Variants in TRPM2 observed in about 807,000 individuals in gnomAD.
The protein encoded by TRPM2 is transient receptor potential cation channel subfamily M member 2, also known as estrogen-responsive element-associated gene 1 protein.
TRPM2 carries 161 observed loss-of-function variants against 174.0 expected under a neutral mutation model. The ratio of observed to expected loss-of-function variants is 0.93; its 90% CI spans 0.81 to 1.05. The LOEUF (loss-of-function observed/expected upper bound fraction) is 1.05, where lower values mean the gene tolerates loss of function less well. TRPM2 is among the 50% of genes least tolerant of loss of function. The pLI, the probability that TRPM2 is intolerant of heterozygous loss-of-function variation, is 0.00. For missense variants in TRPM2, 2,057 were observed against 2,038.0 expected (o/e 1.01, Z -0.18); for synonymous variants, 954 against 861.3 (o/e 1.11, Z -1.88).
chr21:44,391,646 C>G lies in TRPM2; in HGVS notation c.1794+21C>G. 1.3e-6 allele frequency: 2 copies of G among 1,536,932 alleles called. No homozygotes were observed. The highest frequency in any genetic ancestry group is 1.7e-6 in the Non-Finnish European group (2 of 1,148,698). On this transcript the variant is annotated intron_variant, in intron 11 of 31. Transcript: ENST00000397928. The surrounding 1 kb of genome is among the most constrained non-coding windows in gnomAD (Gnocchi z 5.0). ...TCAACGTGCGTGCTGGTAACGGGGCCCATCCTGGACTCGTCTTCGCGGGCT... is the reference window on the plus strand; with the variant it reads ...TCAACGTGCGTGCTGGTAACGGGGCGCATCCTGGACTCGTCTTCGCGGGCT...
At chr21:44,361,861 A>G (rs958603985) in intron 2 of TRPM2, among the ~76,000 whole-genome samples, 9 of 152,072 alleles carry the variant, frequency 5.9e-5, no homozygotes, top group Non-Finnish European at 1.0e-4. Flanking sequence ...GACATGCACC[A>G]CCATGCCCGG....
rs1418093174 is a variant in TRPM2 at position 44,438,860 on chromosome 21, G to T, written c.4168-207G>T. Among the ~76,000 whole-genome samples the T allele has an allele frequency of 6.6e-6, 1 of 152,186 alleles. No homozygotes were observed. The highest frequency in any genetic ancestry group is 1.9e-4 in the East Asian group (1 of 5,178). On this transcript the variant is annotated intron_variant, in intron 29 of 31. Transcript: ENST00000397928. The surrounding 1 kb of genome is among the most constrained non-coding windows in gnomAD (Gnocchi z 5.9). ...TTGTGTCTGCAGCCCAGTGCCCCCT[G>T]CTCGGGCCACGGCAGGCCTCACAGA... is the stretch of plus-strand genomic sequence containing the variant.
chr21:44,403,472 G>GCACACACATGCATACACATA (rs1425936632), intron 16 of TRPM2, among the ~76,000 whole-genome samples: 5 of 152,066 alleles, frequency 3.3e-5, no homozygotes, highest in African/African-American at 1.2e-4. Flanking sequence ...ACACACACAT[G>GCACACACATGCATACACATA]CACACACATG....
chr21:44,437,212 G>A (rs2051306684), intron 29 of TRPM2, 45 bp downstream of exon 29: 12 of 1,508,744 alleles, frequency 8.0e-6, no homozygotes, highest in Non-Finnish European at 9.0e-6. Context: ...GGCTGTCTGT[G>A]GGTCACTCGT....
rs2048700719 is a variant in TRPM2, at chr21:44,376,422, A to G, written c.952+409A>G. Among the ~76,000 whole-genome samples, 1 of 151,914 alleles carries G rather than the reference A, an allele frequency of 6.6e-6. No individual in the cohort carries two copies. The highest frequency in any genetic ancestry group is 2.1e-4 in the South Asian group (1 of 4,820). ...TGGGCCAACCTACATTTTTTTTGGG[A>G]CAGGGTCTGGAGCGCAGTGGTGTGA... is the stretch of plus-strand genomic sequence containing the variant. On this transcript the variant is annotated intron_variant, in intron 6 of 31. Coordinates refer to ENST00000397928, the MANE Select transcript of TRPM2 (RefSeq NM_003307.4). This position sits in a 1 kb window ranked among gnomAD's most constrained non-coding sequence, Gnocchi z 4.2.
At chr21:44,396,949 G>T (rs1353782582) in intron 12 of TRPM2, among the ~76,000 whole-genome samples, 3 of 148,788 alleles carry the variant, frequency 2.0e-5, no homozygotes, top group Non-Finnish European at 4.5e-5. Context: ...GGGCTGTGGA[G>T]GCTGTGGAGG....
At chr21:44,390,784 C>G (rs1226561549) in intron 9 of TRPM2, 120 bp from the exon 10 acceptor site, 18 of 1,389,304 alleles carry the variant, frequency 1.3e-5, no homozygotes, top group African/African-American at 2.8e-5. Context: ...CTGCGCCTGT[C>G]ACTTTGAATT....
chr21:44,361,389 A>T (rs2048204562), intron 2 of TRPM2, among the ~76,000 whole-genome samples: 1 of 152,214 alleles, frequency 6.6e-6, no homozygotes, highest in Non-Finnish European at 1.5e-5. Flanking sequence ...CTGGGATTAC[A>T]GGTGTGAGCT....
Position 44,376,791 on chromosome 21 carries a change from A to G in TRPM2, c.952+778A>G, listed in dbSNP as rs989236275. On this transcript the variant is annotated intron_variant, in intron 6 of 31. Coordinates refer to ENST00000397928, the MANE Select transcript of TRPM2 (RefSeq NM_003307.4). The surrounding 1 kb of genome is among the most constrained non-coding windows in gnomAD (Gnocchi z 4.2). Reference sequence around the variant, plus strand: ...GGGTCCCTTGCAGGGTTCCTTGTGCATCGAACTCCCCTGGAGGGTTCCTCA... The same window carrying G: ...GGGTCCCTTGCAGGGTTCCTTGTGCGTCGAACTCCCCTGGAGGGTTCCTCA... 1.3e-5 allele frequency among the ~76,000 whole-genome samples: 2 copies of G among 152,176 alleles called. No homozygotes were observed. The highest frequency in any genetic ancestry group is 2.9e-5 in the Non-Finnish European group (2 of 68,020).
intron 11 of TRPM2, 134 bp from the exon 12 acceptor site, chr21:44,395,280 G>C: frequency 9.1e-7 from 1 of 1,097,330 alleles, no homozygotes; most frequent in Non-Finnish European, 1.3e-6. Flanking sequence ...GAAAATGCAG[G>C]TTGTAGTTCT....
rs1170036553 is a variant in TRPM2 at position 44,439,240 on chromosome 21, G to A, written c.4269+72G>A. 4 of 1,417,450 alleles carry A rather than the reference G, an allele frequency of 2.8e-6. No homozygotes were observed. The highest frequency in any genetic ancestry group is 1.4e-5 in the African/African-American group (1 of 70,982). 87.8% of individuals were successfully genotyped at this position (1,417,450 alleles called of 1,614,324 possible). On this transcript the variant is annotated intron_variant, in intron 30 of 31. Transcript: ENST00000397928. The surrounding 1 kb of genome is among the most constrained non-coding windows in gnomAD (Gnocchi z 5.1). ...TGCAGGACAAACACAGTGTGATACT[G>A]GGGACCTGCCCCAGCACCACTGGGT...
At chr21:44,400,130 C>A (rs1422131109) in intron 14 of TRPM2, 129 bp from the exon 15 acceptor site, 10 of 716,106 alleles carry the variant, frequency 1.4e-5, no homozygotes, top group African/African-American at 3.5e-5. Context: ...GTGTCTTCAC[C>A]ACTTTCTGCT....
chr21:44,403,899 G>A (rs1006794946), intron 16 of TRPM2, among the ~76,000 whole-genome samples: 1 of 149,166 alleles, frequency 6.7e-6, no homozygotes, highest in African/African-American at 2.5e-5. Flanking sequence ...TACATATACA[G>A]CACACACATG....
intron 5 of TRPM2, among the ~76,000 whole-genome samples, chr21:44,374,015 C>T (rs1602156706): frequency 6.9e-6 from 1 of 145,364 alleles, no homozygotes; most frequent in African/African-American, 2.5e-5. Flanking sequence ...CTCTCTCTCT[C>T]TTTTTTTTTT....
Position 44,376,099 on chromosome 21 carries a change from C to T in TRPM2, c.952+86C>T, listed in dbSNP as rs755369562. 40 of 1,489,694 alleles carry T rather than the reference C, an allele frequency of 2.7e-5. No homozygotes were observed. The highest frequency in any genetic ancestry group is 9.3e-5 in the East Asian group (4 of 42,824). 92.3% of individuals were successfully genotyped at this position (1,489,694 alleles called of 1,614,324 possible). A position where few individuals can be genotyped will look rare whatever the true frequency, so the allele number is the denominator to read the frequency against. Reference sequence around the variant, plus strand: ...CAGGTACAGCTGGTCACGACCAGGACGTTCAACAGGCCTGGCGTTTGGCAG... The same window carrying T: ...CAGGTACAGCTGGTCACGACCAGGATGTTCAACAGGCCTGGCGTTTGGCAG... On this transcript the variant is annotated intron_variant, in intron 6 of 31. Transcript: ENST00000397928. This position sits in a 1 kb window ranked among gnomAD's most constrained non-coding sequence, Gnocchi z 4.2.
Position 44,406,671 on chromosome 21 carries a change from C to T in TRPM2, c.2868C>T (p.Leu956=), listed in dbSNP as rs142589153. 4 of 1,610,690 alleles carry T rather than the reference C, an allele frequency of 2.5e-6. No individual in the cohort carries two copies. Among genetic ancestry groups the T allele is most frequent in the Non-Finnish European group, 3.4e-6 (4 of 1,179,460 alleles). Residue 956 remains leucine (L), a synonymous_variant, in exon 19 of 32, where the codon CTC becomes CTT. Coordinates refer to ENST00000397928, the MANE Select transcript of TRPM2 (RefSeq NM_003307.4). ...TCGGGGTGGCCAAGCAGGCCATCCT[C>T]ATCCACAACGAGCGCCGGGTGGACT... ...VSFGVAKQAI[L]IHNERRVDWL...
In TRPM2 at chr21:44,404,204, TAC is replaced by T. The variant is rs550746184; in HGVS notation, c.2539-934_2539-933del. Among the ~76,000 whole-genome samples, 553 of 151,068 alleles carry T rather than the reference TAC, an allele frequency of 3.7e-3. 2 individuals are homozygous for T. Among genetic ancestry groups the T allele is most frequent in the Middle Eastern group, 0.01 (3 of 288 alleles). The stretch of plus-strand genomic sequence containing the variant: ...ACACAAAAACATGCAAATACACATA[TAC>T]ACAGAGACACACAGATACACATACA... On this transcript the variant is annotated intron_variant, in intron 16 of 31. Coordinates refer to ENST00000397928, the MANE Select transcript of TRPM2 (RefSeq NM_003307.4).
Position 44,376,091 on chromosome 21 carries a change from G to T in TRPM2, c.952+78G>T. ...CAGAGTGTCAGGTACAGCTGGTCAC[G>T]ACCAGGACGTTCAACAGGCCTGGCG... On this transcript the variant is annotated intron_variant, in intron 6 of 31. Coordinates refer to ENST00000397928, the MANE Select transcript of TRPM2 (RefSeq NM_003307.4). The surrounding 1 kb of genome is among the most constrained non-coding windows in gnomAD (Gnocchi z 4.2). 1 of 1,521,692 alleles carries T rather than the reference G, an allele frequency of 6.6e-7. No homozygotes were observed. The highest frequency in any genetic ancestry group is 8.9e-7 in the Non-Finnish European group (1 of 1,122,054). 94.3% of individuals were successfully genotyped at this position (1,521,692 alleles called of 1,614,324 possible).
At position 44,423,710 on chromosome 21, in the gene TRPM2, G is replaced by T; in HGVS notation, c.3527G>T (p.Arg1176Met). The T allele has an allele frequency of 6.2e-7, 1 of 1,610,778 alleles. No homozygotes were observed. The highest frequency in any genetic ancestry group is 8.5e-7 in the Non-Finnish European group (1 of 1,179,274). Residue 1176 changes from arginine to methionine, a missense_variant, in exon 23 of 32, where the codon AGG (arginine) becomes ATG (methionine). Arg to Met is a moderately conservative substitution (Grantham distance 91). Coordinates refer to ENST00000397928, the MANE Select transcript of TRPM2 (RefSeq NM_003307.4). ...AAGAGGTCGGGCTCCATGGAGCAGAGGTTGGCCTCCCTGGAGGAGCAGGTG... is the reference window on the plus strand; with the variant it reads ...AAGAGGTCGGGCTCCATGGAGCAGATGTTGGCCTCCCTGGAGGAGCAGGTG... ...PLKRSGSMEQ[R>M]LASLEEQVAQ...
Sources: allele counts gnomAD v4.1 joint callset (sites outside exome capture counted in the v4.1 genomes callset), GRCh38; gene constraint gnomAD v4.1.1; non-coding constraint Gnocchi (gnomAD v3.1); transcripts MANE v1.5; gene names NCBI Gene and HGNC (gene_info 2026-07-23, HGNC 2026-07-21).